MEGF11: variants seen among roughly 807,000 people sequenced by gnomAD.
MEGF11 encodes multiple EGF like domains 11, also known as multiple epidermal growth factor-like domains protein 11.
Under a neutral mutation model 146.6 loss-of-function variants are expected in MEGF11, and 126 were observed. The ratio of observed to expected loss-of-function variants is 0.86; its 90% CI spans 0.74 to 1.00. The LOEUF (loss-of-function observed/expected upper bound fraction) is 1.00, where lower values mean the gene tolerates loss of function less well. MEGF11 is among the 50% of genes least tolerant of loss of function. The probability of loss-of-function intolerance (pLI) is 0.00; values close to 1 mark genes in which losing one functional copy is unlikely to be tolerated. For synonymous variants in MEGF11, 532 were observed against 583.4 expected (o/e 0.91, Z 1.27); for missense variants, 1,509 against 1,521.2 (o/e 0.99, Z 0.13).
chr15:65,971,234 T>C (rs1267804334), intron 7 of MEGF11: 1 of 153,250 alleles, frequency 6.5e-6, no homozygotes, highest in Non-Finnish European at 1.5e-5. Context: ...GGAGGAGTGA[T>C]AACTGCTTTG....
At chr15:66,142,120 C>A (rs541073099) in intron 1 of MEGF11, among the ~76,000 whole-genome samples, 2 of 152,268 alleles carry the variant, frequency 1.3e-5, no homozygotes, top group South Asian at 4.1e-4. Flanking sequence ...CCCAGCAAGG[C>A]AGAACAGTGG....
At chr15:66,180,597 T>C (rs2090519227) in intron 1 of MEGF11, among the ~76,000 whole-genome samples, 1 of 151,318 alleles carries the variant, frequency 6.6e-6, no homozygotes, top group South Asian at 2.1e-4. Context: ...GTGCCTAGAA[T>C]GAATACCAGG....
intron 13 of MEGF11, among the ~76,000 whole-genome samples, chr15:65,927,894 G>A (rs1485848816): frequency 6.6e-6 from 1 of 152,180 alleles, no homozygotes; most frequent in Non-Finnish European, 1.5e-5. Context: ...TCTGAACAGG[G>A]ACTGAAATGG....
chr15:65,959,187 G>C (rs1206594329), intron 9 of MEGF11, among the ~76,000 whole-genome samples: 4 of 152,196 alleles, frequency 2.6e-5, no homozygotes, highest in Admixed American at 2.0e-4. Context: ...CCGTGGGGGA[G>C]AGCCGTTTGT....
chr15:66,099,226 A>G (rs558633399), intron 4 of MEGF11, among the ~76,000 whole-genome samples: 39 of 54,786 alleles, frequency 7.1e-4, no homozygotes, highest in Non-Finnish European at 8.6e-4. Context: ...TTTTTTTGAT[A>G]TGGAGTCTTG....
intron 5 of MEGF11, among the ~76,000 whole-genome samples, chr15:66,087,705 T>G (rs1270177535): frequency 6.6e-6 from 1 of 152,108 alleles, no homozygotes; most frequent in East Asian, 1.9e-4. Context: ...CTAAACGCCT[T>G]CATCAAAAAG....
At chr15:66,205,184 G>C (rs1481095000) in intron 1 of MEGF11, among the ~76,000 whole-genome samples, 1 of 151,996 alleles carries the variant, frequency 6.6e-6, no homozygotes, top group Non-Finnish European at 1.5e-5. Flanking sequence ...CTCATGCCTG[G>C]AGTTCCAGCT....
At chr15:65,997,927 A>G (rs2082249389) in intron 5 of MEGF11, among the ~76,000 whole-genome samples, 1 of 152,108 alleles carries the variant, frequency 6.6e-6, no homozygotes, top group African/African-American at 2.4e-5. Flanking sequence ...GGAGATGGCC[A>G]TGGGAAGAGC....
chr15:65,898,086 C>A lies in MEGF11; in HGVS notation c.3271G>T (p.Val1091Phe). The change falls in exon 26 of 26, where the codon GTC becomes TTC. Residue 1091 changes from valine (V) to phenylalanine (F), a missense_variant. By Grantham distance (50) the Val-to-Phe change is conservative. Coordinates refer to ENST00000395614, the MANE Select transcript of MEGF11 (RefSeq NM_001385028.1). ...NKNIYEVEPT[V>F]SVVQEGCGHN... is the part of the protein sequence containing the mutation. ...CCGCAACCTTCTTGGACCACACTGA[C>A]TGTGGGCTCTAAGAAATATAGTGAA... The A allele has an allele frequency of 6.2e-7, 1 of 1,613,100 alleles. No homozygotes were observed. Among genetic ancestry groups the A allele is most frequent in the Middle Eastern group, 1.7e-4 (1 of 6,060 alleles).
At position 65,993,104 on chromosome 15, in the gene MEGF11, G is replaced by A. The variant is rs1427433705; in HGVS notation, c.395-10616C>T. On this transcript the variant is annotated intron_variant, in intron 5 of 25. Coordinates refer to ENST00000395614, the MANE Select transcript of MEGF11 (RefSeq NM_001385028.1). ...GCTGATGCCACCTACCTGCGCTCCC[G>A]GCAGGAGCACCCCGCACTGTCCTCC... Among the ~76,000 whole-genome samples, 8 of 152,250 alleles carry A rather than the reference G, an allele frequency of 5.3e-5. No individual in the cohort carries two copies. In the South Asian group the frequency reaches 8.3e-4, roughly 16 times the overall value.
chr15:65,917,987 T>TC lies in MEGF11; in HGVS notation c.2064dup (p.Ile689AspfsTer74), dbSNP rs1465014246. 1.2e-6 allele frequency: 2 copies of TC among 1,613,980 alleles called. No individual in the cohort carries two copies. The highest frequency in any genetic ancestry group is 2.2e-5 in the South Asian group (2 of 91,080). On this transcript the variant is annotated frameshift_variant, in exon 16 of 26. Transcript: ENST00000395614. LOFTEE classifies it high-confidence loss of function. The stretch of plus-strand genomic sequence containing the variant: ...TTACCCTGTGAGCAGTCCTTGCCAA[T>TC]CCATCCAGGAAAGCACTGGCAGGAG...
At chr15:66,101,918 T>C (rs1862861379) in intron 4 of MEGF11, among the ~76,000 whole-genome samples, 1 of 152,198 alleles carries the variant, frequency 6.6e-6, no homozygotes, top group Non-Finnish European at 1.5e-5. Context: ...CAAATGCCAG[T>C]GTCAGATTAC....
At chr15:66,155,209 C>T (rs1597125363) in intron 1 of MEGF11, among the ~76,000 whole-genome samples, 1 of 152,198 alleles carries the variant, frequency 6.6e-6, no homozygotes, top group African/African-American at 2.4e-5. Flanking sequence ...TGCAAGGTCA[C>T]CCCCTGTGCA....
intron 1 of MEGF11, among the ~76,000 whole-genome samples, chr15:66,155,881 TC>T (rs1400280157): frequency 6.6e-6 from 1 of 152,216 alleles, no homozygotes; most frequent in African/African-American, 2.4e-5. Flanking sequence ...AATCACTTAC[TC>T]ATGGGTCTTG....
chr15:65,961,717 G>A (rs2080864001), intron 9 of MEGF11, among the ~76,000 whole-genome samples: 1 of 152,248 alleles, frequency 6.6e-6, no homozygotes, highest in African/African-American at 2.4e-5. Context: ...AGAGAGGCTG[G>A]AGCTGGGTGG....
At chr15:65,989,669 A>C (rs926927110) in intron 5 of MEGF11, among the ~76,000 whole-genome samples, 1 of 152,230 alleles carries the variant, frequency 6.6e-6, no homozygotes, top group Non-Finnish European at 1.5e-5. Context: ...TGCTCTTTCC[A>C]GGCCTAAGCT....
intron 1 of MEGF11, among the ~76,000 whole-genome samples, chr15:66,139,598 C>A (rs1287562799): frequency 3.9e-5 from 5 of 129,316 alleles, no homozygotes; most frequent in Admixed American, 1.7e-4. Flanking sequence ...TATTTTTAGA[C>A]CACAGTAGGA....
chr15:65,959,997 T>A (rs1047755052), intron 9 of MEGF11, among the ~76,000 whole-genome samples: 1 of 152,226 alleles, frequency 6.6e-6, no homozygotes, highest in Middle Eastern at 3.2e-3. Context: ...TGCTAAGAGA[T>A]GTATTCAGTT....
At chr15:66,152,487 G>C (rs1660474057) in intron 1 of MEGF11, among the ~76,000 whole-genome samples, 2 of 152,194 alleles carry the variant, frequency 1.3e-5, no homozygotes, top group African/African-American at 2.4e-5. Context: ...CGCTTATCCA[G>C]AAGCATAGGC....
Sources: gnomAD v4.1 joint callset for allele counts (sites outside exome capture counted in the v4.1 genomes callset) on GRCh38, gnomAD v4.1.1 for gene constraint, MANE v1.5 for transcripts, NCBI Gene and HGNC (gene_info 2026-07-23, HGNC 2026-07-21) for gene names.